CFAP77: variants seen among roughly 807,000 people sequenced by gnomAD.
CFAP77 encodes cilia- and flagella-associated protein 77.
CFAP77 carries 25 observed loss-of-function variants against 31.1 expected under a neutral mutation model. The ratio of observed to expected loss-of-function variants is 0.80; its 90% CI spans 0.59 to 1.12. The LOEUF is 1.12. CFAP77 is among the 50% of genes most tolerant of loss of function. The probability of loss-of-function intolerance (pLI) is 0.00; values close to 1 mark genes in which losing one functional copy is unlikely to be tolerated. For missense variants in CFAP77, 377 were observed against 397.3 expected (o/e 0.95, Z 0.44); for synonymous variants, 151 against 159.9 (o/e 0.94, Z 0.42).
At chr9:132,450,211 T>C (rs1468628554) in intron 1 of CFAP77, among the ~76,000 whole-genome samples, 3 of 148,868 alleles carry the variant, frequency 2.0e-5, no homozygotes, top group African/African-American at 7.5e-5. Context: ...ATTACAGGTG[T>C]GAGCCACCAC....
intron 1 of CFAP77, among the ~76,000 whole-genome samples, chr9:132,486,075 TATATATA>T (rs1851548008): frequency 5.3e-5 from 1 of 18,830 alleles, no homozygotes; most frequent in African/African-American, 3.5e-4. Flanking sequence ...TGTATATATA[TATATATA>T]TATATATATT....
At position 132,410,489 on chromosome 9, in the gene CFAP77, G is replaced by T. The variant is rs186381239; in HGVS notation, c.195+23G>T. ...AAGGTGAGCACCCCACGCCCACCGC[G>T]CTTTCGCTGTCGCCGGCTCCGGGCA... On this transcript the variant is annotated intron_variant, in intron 1 of 5. Transcript: ENST00000393216. The T allele has an allele frequency of 1.3e-4, 197 of 1,532,652 alleles. No individual in the cohort carries two copies. The African/African-American group carries it at 2.5e-3, about 20-fold the overall frequency. The allele number at this position is 1,532,652 out of a possible 1,614,324, so 94.9% of individuals were successfully genotyped here.
intron 1 of CFAP77, among the ~76,000 whole-genome samples, chr9:132,488,475 G>A (rs1005714787): frequency 3.3e-5 from 5 of 152,160 alleles, no homozygotes; most frequent in Admixed American, 6.5e-5. Context: ...TAAGAAATGA[G>A]GGCTAGTTAA....
intron 1 of CFAP77, among the ~76,000 whole-genome samples, chr9:132,459,555 ATGTG>A (rs998220665): frequency 6.8e-6 from 1 of 146,054 alleles, no homozygotes; most frequent in East Asian, 2.0e-4. Context: ...GTGTGTGTGT[ATGTG>A]TGTGAGCATG....
chr9:132,437,664 C>A (rs931821661), intron 1 of CFAP77, among the ~76,000 whole-genome samples: 2 of 151,610 alleles, frequency 1.3e-5, no homozygotes, highest in African/African-American at 2.4e-5. Flanking sequence ...CGCCCGCCAG[C>A]ACACCCGGCT....
intron 5 of CFAP77, among the ~76,000 whole-genome samples, chr9:132,567,260 A>G (rs185018803): frequency 2.2e-4 from 34 of 152,268 alleles, no homozygotes; most frequent in African/African-American, 7.5e-4. Context: ...AACCAAGGGG[A>G]ATATGGAACT....
intron 1 of CFAP77, among the ~76,000 whole-genome samples, chr9:132,426,153 T>G (rs1850308799): frequency 6.6e-6 from 1 of 152,246 alleles, no homozygotes; most frequent in African/African-American, 2.4e-5. Flanking sequence ...CTGTTTTACA[T>G]GCTGCCACCC....
intron 1 of CFAP77, among the ~76,000 whole-genome samples, chr9:132,461,258 C>T (rs577640278): frequency 1.3e-5 from 2 of 152,264 alleles, no homozygotes; most frequent in African/African-American, 4.8e-5. Flanking sequence ...GCAAAGCGCC[C>T]CTCGTTTTGG....
At chr9:132,523,825 C>T (rs542899233) in intron 3 of CFAP77, among the ~76,000 whole-genome samples, 1 of 152,250 alleles carries the variant, frequency 6.6e-6, no homozygotes, top group Admixed American at 6.5e-5. Flanking sequence ...TCTTTCCTCC[C>T]CTGGCTGGCT....
In CFAP77 at chr9:132,417,552, A is replaced by C. The variant is rs575202780; in HGVS notation, c.195+7086A>C. The stretch of plus-strand genomic sequence containing the variant: ...CCAGGTTGGAGCCAGCAGATCCTAG[A>C]GTGAGTTCTGTCTCAGCCACTTACT... On this transcript the variant is annotated intron_variant, in intron 1 of 5. Transcript: ENST00000393216. 2.6e-5 allele frequency among the ~76,000 whole-genome samples: 4 copies of C among 152,344 alleles called. No homozygotes were observed. In the South Asian group the frequency reaches 6.2e-4, roughly 24 times the overall value.
Position 132,499,305 on chromosome 9 carries a change from G to A in CFAP77, c.296-67G>A, listed in dbSNP as rs555875450. The A allele has an allele frequency of 1.9e-3, 2,787 of 1,452,782 alleles. 11 individuals carry two copies. The highest frequency in any genetic ancestry group is 2.5e-3 in the Non-Finnish European group (2,592 of 1,049,532). 90.0% of individuals were successfully genotyped at this position (1,452,782 alleles called of 1,614,324 possible). A position where few individuals can be genotyped will look rare whatever the true frequency, so the allele number is the denominator to read the frequency against. On this transcript the variant is annotated intron_variant, in intron 2 of 5. Coordinates refer to ENST00000393216, the MANE Select transcript of CFAP77 (RefSeq NM_001282957.2). The surrounding 1 kb of genome is among the most constrained non-coding windows in gnomAD (Gnocchi z 5.4). Reference sequence around the variant, plus strand: ...GACCCGCGTGCCCCCATTTCTTCTCGATCAGCTGCCTCAGGGTGCTTACTC... The same window carrying A: ...GACCCGCGTGCCCCCATTTCTTCTCAATCAGCTGCCTCAGGGTGCTTACTC...
intron 1 of CFAP77, among the ~76,000 whole-genome samples, chr9:132,443,257 G>GTT (rs547420950): frequency 8.7e-5 from 12 of 138,666 alleles, no homozygotes; most frequent in East Asian, 2.1e-4. Flanking sequence ...TTTTATTTTT[G>GTT]TTTTTTTTTT....
intron 3 of CFAP77, among the ~76,000 whole-genome samples, chr9:132,508,200 A>C (rs985251279): frequency 2.0e-5 from 3 of 152,136 alleles, no homozygotes; most frequent in Non-Finnish European, 4.4e-5. Flanking sequence ...CTCCGCTGTG[A>C]TCCCCGCCCC....
chr9:132,427,743 C>T (rs1850341510), intron 1 of CFAP77, among the ~76,000 whole-genome samples: 2 of 152,230 alleles, frequency 1.3e-5, no homozygotes, highest in African/African-American at 2.4e-5. Flanking sequence ...GTAGATGGCC[C>T]TCATTATGTT....
chr9:132,426,183 G>A (rs1439935006), intron 1 of CFAP77, among the ~76,000 whole-genome samples: 1 of 152,162 alleles, frequency 6.6e-6, no homozygotes, highest in Non-Finnish European at 1.5e-5. Flanking sequence ...TTTTATTTGT[G>A]TCAGGAGAAA....
intron 3 of CFAP77, among the ~76,000 whole-genome samples, chr9:132,524,078 C>A (rs1852315383): frequency 6.6e-6 from 1 of 151,990 alleles, no homozygotes; most frequent in African/African-American, 2.4e-5. Flanking sequence ...CTCAAGAGAT[C>A]CACCCATCTT....
At chr9:132,478,601 G>T (rs1851391549) in intron 1 of CFAP77, among the ~76,000 whole-genome samples, 1 of 152,188 alleles carries the variant, frequency 6.6e-6, no homozygotes. Flanking sequence ...GATATAAGAG[G>T]CCAGGGACAA....
At chr9:132,531,568 G>GA (rs1852451401) in intron 3 of CFAP77, among the ~76,000 whole-genome samples, 1 of 151,164 alleles carries the variant, frequency 6.6e-6, no homozygotes, top group African/African-American at 2.4e-5. Flanking sequence ...GAAGGAGGCA[G>GA]GAGCCGCTGG....
intron 1 of CFAP77, among the ~76,000 whole-genome samples, chr9:132,429,537 CAAAAAAAAAAAAAA>C (rs762588728): frequency 5.1e-5 from 2 of 39,458 alleles, no homozygotes; most frequent in Admixed American, 7.0e-4. Flanking sequence ...GACTTCAACT[CAAAAAAAAAAAAAA>C]AAAAAAAAAA....
Sources: gnomAD v4.1 joint callset for allele counts (sites outside exome capture counted in the v4.1 genomes callset) on GRCh38, gnomAD v4.1.1 for gene constraint, Gnocchi (gnomAD v3.1) non-coding constraint, MANE v1.5 for transcripts, NCBI Gene and HGNC (gene_info 2026-07-23, HGNC 2026-07-21) for gene names.